LANCL1: variants seen among roughly 807,000 people sequenced by gnomAD.
LANCL1 encodes glutathione S-transferase LANCL1.
In LANCL1, 50 loss-of-function variants were observed where a neutral mutation model predicts 50.6. The observed-to-expected ratio is 0.99, with a 90% CI of 0.79 to 1.25. The LOEUF (loss-of-function observed/expected upper bound fraction) is 1.25. Ranked by LOEUF, LANCL1 falls within the 50% of genes most tolerant of loss-of-function variation. The pLI is 0.00. For missense variants in LANCL1, 532 were observed against 480.7 expected (o/e 1.11, Z -1.00); for synonymous variants, 188 against 178.6 (o/e 1.05, Z -0.42).
chr2:210,457,946 G>C (rs1284946230), intron 3 of LANCL1, among the ~76,000 whole-genome samples: 1 of 152,178 alleles, frequency 6.6e-6, no homozygotes, highest in African/African-American at 2.4e-5. Flanking sequence ...AGCCGGGTAT[G>C]GCTATGTGGC....
At chr2:210,459,000 T>C (rs1230604988) in intron 3 of LANCL1, among the ~76,000 whole-genome samples, 2 of 152,270 alleles carry the variant, frequency 1.3e-5, no homozygotes, top group Non-Finnish European at 2.9e-5. Context: ...GGGCTTAAAT[T>C]TGAATATCAC....
rs752450474 is a variant in LANCL1, at chr2:210,455,316, T to TA, written c.200-3_200-2insT. 2.0e-6 allele frequency: 2 copies of TA among 999,992 alleles called. No individual in the cohort carries two copies. The highest frequency in any genetic ancestry group is 1.3e-6 in the Non-Finnish European group (1 of 765,306). The allele number at this position is 999,992 out of a possible 1,614,324, so 61.9% of individuals were successfully genotyped here. A position where few individuals can be genotyped will look rare whatever the true frequency, so the allele number is the denominator to read the frequency against. On this transcript the variant is annotated splice_region_variant and splice_polypyrimidine_tract_variant and intron_variant, in intron 3 of 9. Transcript: ENST00000450366. ...GATGTAAGTAAAGCACAGCAATACC[T>TA]GAAAAAAAAAAAAGGAAACAATGTA...
At chr2:210,460,232 T>G (rs749271378) in intron 3 of LANCL1, among the ~76,000 whole-genome samples, 2 of 152,194 alleles carry the variant, frequency 1.3e-5, no homozygotes, top group Non-Finnish European at 2.9e-5. Context: ...TGAGGCATTT[T>G]CGTGCAGTTC....
intron 3 of LANCL1, among the ~76,000 whole-genome samples, chr2:210,461,291 T>C (rs1693850934): frequency 6.6e-6 from 1 of 151,988 alleles, no homozygotes. Context: ...TTTCTACTTG[T>C]CCTAACACCT....
rs2105879525 is a variant in LANCL1, at chr2:210,433,920, T to C, written c.*567A>G. 6.6e-6 allele frequency: 1 copy of C among 152,306 alleles called. No homozygotes were observed. Among genetic ancestry groups the C allele is most frequent in the South Asian group, 2.1e-4 (1 of 4,826 alleles). 9.4% of individuals were successfully genotyped at this position (152,306 alleles called of 1,614,324 possible). On this transcript the variant is annotated 3_prime_UTR_variant, in exon 10 of 10. Coordinates refer to ENST00000450366, the MANE Select transcript of LANCL1 (RefSeq NM_006055.3). The stretch of plus-strand genomic sequence containing the variant: ...CTCTAGTCCAAATAGGCATCAAGAA[T>C]TTAAAAAATGATATTTAGGTACCAA...
chr2:210,464,898 GGAGCTTGCAGT>G (rs1306170403), intron 3 of LANCL1, among the ~76,000 whole-genome samples: 1 of 146,900 alleles, frequency 6.8e-6, no homozygotes, highest in Non-Finnish European at 1.5e-5. Context: ...CCCGGGAAGC[GGAGCTTGCAGT>G]GAGCCGAGAT....
intron 3 of LANCL1, among the ~76,000 whole-genome samples, chr2:210,471,044 T>C: frequency 2.4e-5 from 1 of 40,866 alleles, no homozygotes; most frequent in Non-Finnish European, 5.2e-5. Context: ...CTTCTTTGAT[T>C]TTTTTTTTTT....
intron 3 of LANCL1, chr2:210,468,853 A>G (rs1040936246): frequency 1.3e-5 from 2 of 152,210 alleles, no homozygotes; most frequent in Non-Finnish European, 2.9e-5. Flanking sequence ...GCCTTCTTTT[A>G]CAAGAGAAAA....
chr2:210,446,826 G>T (rs922716830), intron 4 of LANCL1, among the ~76,000 whole-genome samples: 1 of 151,870 alleles, frequency 6.6e-6, no homozygotes, highest in African/African-American at 2.4e-5. Flanking sequence ...AAAAAGGAAC[G>T]AAAGCCTCCA....
chr2:210,464,687 C>T (rs984932184), intron 3 of LANCL1, among the ~76,000 whole-genome samples: 8 of 151,998 alleles, frequency 5.3e-5, no homozygotes, highest in Admixed American at 4.6e-4. Flanking sequence ...TGCGTACAGG[C>T]CGGGCGCGGT....
rs1694246083 is a variant in LANCL1, at chr2:210,472,146, AAGAC to A, written c.82-74_82-71del. ...CAGCTTGCTGGACTATAAGCTATCA[AAGAC>A]AGAAAGGTATTTCTTTTCCACTTAG... On this transcript the variant is annotated intron_variant, in intron 2 of 9. Coordinates refer to ENST00000450366, the MANE Select transcript of LANCL1 (RefSeq NM_006055.3). The A allele has an allele frequency of 5.0e-6, 5 of 994,210 alleles. No individual in the cohort carries two copies. In the Admixed American group the frequency reaches 8.6e-5, roughly 17 times the overall value. 61.6% of individuals were successfully genotyped at this position (994,210 alleles called of 1,614,324 possible).
intron 3 of LANCL1, among the ~76,000 whole-genome samples, chr2:210,466,484 C>T (rs891173978): frequency 8.5e-5 from 13 of 152,168 alleles, no homozygotes; most frequent in African/African-American, 3.1e-4. Context: ...AACCTTGGTG[C>T]TAATGCACAA....
chr2:210,438,292 G>C (rs981564565), intron 6 of LANCL1, among the ~76,000 whole-genome samples: 1 of 151,924 alleles, frequency 6.6e-6, no homozygotes, highest in South Asian at 2.1e-4. Context: ...CTGTCACCAC[G>C]CCTGGCTAAT....
rs1446634011 is a variant in LANCL1, at chr2:210,440,644, A to C, written c.644T>G (p.Val215Gly). 1 of 1,613,854 alleles carries C rather than the reference A, an allele frequency of 6.2e-7. No individual in the cohort carries two copies. The highest frequency in any genetic ancestry group is 8.5e-7 in the Non-Finnish European group (1 of 1,179,910). ...LMYEWYQEYYVGAAHGLAGIY... is the reference protein window; with the variant it reads ...LMYEWYQEYYGGAAHGLAGIY... ...TCCAGCCAGGCCATGAGCAGCCCCT[A>C]CATAATATTCCTGGTACCATTCATA... Residue 215 changes from valine to glycine, a missense_variant, in exon 6 of 10, where the codon GTA becomes GGA. By Grantham distance (109) the Val-to-Gly change is moderately radical. Coordinates refer to ENST00000450366, the MANE Select transcript of LANCL1 (RefSeq NM_006055.3).
intron 4 of LANCL1, among the ~76,000 whole-genome samples, chr2:210,451,731 A>G (rs764092760): frequency 1.3e-5 from 2 of 152,176 alleles, no homozygotes; most frequent in Non-Finnish European, 2.9e-5. Flanking sequence ...ACAGCCCCAC[A>G]CTGGCTATAT....
Position 210,455,209 on chromosome 2 carries a change from C to T in LANCL1, c.305G>A (p.Arg102His), listed in dbSNP as rs371433604. 33 of 1,613,290 alleles carry T rather than the reference C, an allele frequency of 2.0e-5. No individual in the cohort carries two copies. Among genetic ancestry groups the T allele is most frequent in the East Asian group, 1.8e-4 (8 of 44,836 alleles). Residue 102 changes from arginine (R) to histidine (H), a missense_variant, in exon 4 of 10, where the codon CGC becomes CAC. Physicochemically the swap from Arg to His is conservative, Grantham distance 29. Coordinates refer to ENST00000450366, the MANE Select transcript of LANCL1 (RefSeq NM_006055.3). ...VKQSLNCLTKRSITFLCGDAG... is the reference protein window; with the variant it reads ...VKQSLNCLTKHSITFLCGDAG... ...ATCCCCACAAAGGAAGGTGATGGAG[C>T]GCTTGGTTAAGCAGTTCAGACTTTG...
chr2:210,468,699 G>A lies in LANCL1; in HGVS notation c.199+3260C>T, dbSNP rs140808525. The stretch of plus-strand genomic sequence containing the variant: ...CCCTCCAGCAGCCTGAAAAGCTGAT[G>A]TAATGACTGGATCTTCAGCAGCCAC... On this transcript the variant is annotated intron_variant, in intron 3 of 9. Coordinates refer to ENST00000450366, the MANE Select transcript of LANCL1 (RefSeq NM_006055.3). The A allele has an allele frequency of 9.1e-3, 1,381 of 152,316 alleles. 13 individuals are homozygous for A. The highest frequency in any genetic ancestry group is 0.015 in the Non-Finnish European group (989 of 68,062). The allele number at this position is 152,316 out of a possible 1,614,324, so 9.4% of individuals were successfully genotyped here.
At position 210,441,487 on chromosome 2, in the gene LANCL1, G is replaced by A. The variant is rs756834023; in HGVS notation, c.408-44C>T. 31 of 1,544,510 alleles carry A rather than the reference G, an allele frequency of 2.0e-5. No individual in the cohort carries two copies. In the South Asian group the frequency reaches 2.2e-4, roughly 11 times the overall value. Reference sequence around the variant, plus strand: ...GCCCCAAATAATTTGAAAGGAACCAGGTATTGGTGTATACTTAAAAATGGT... The same window carrying A: ...GCCCCAAATAATTTGAAAGGAACCAAGTATTGGTGTATACTTAAAAATGGT... On this transcript the variant is annotated intron_variant, in intron 4 of 9. Transcript: ENST00000450366.
Position 210,436,442 on chromosome 2 carries a change from C to T in LANCL1, c.874-50G>A, listed in dbSNP as rs73069772. 5,704 of 1,534,544 alleles carry T rather than the reference C, an allele frequency of 3.7e-3. 184 individuals are homozygous for T. In the African/African-American group the frequency reaches 0.069, roughly 19 times the overall value. On this transcript the variant is annotated intron_variant, in intron 7 of 9. Coordinates refer to ENST00000450366, the MANE Select transcript of LANCL1 (RefSeq NM_006055.3). ...ATTATACGGGATATAAAAGAAAGTT[C>T]CATTGATATTCCTTCCTGATAGATA...
Sources: gnomAD v4.1 joint callset for allele counts (sites outside exome capture counted in the v4.1 genomes callset) on GRCh38, gnomAD v4.1.1 for gene constraint, MANE v1.5 for transcripts, NCBI Gene and HGNC (gene_info 2026-07-23, HGNC 2026-07-21) for gene names.